SNTG1: variants seen among roughly 807,000 people sequenced by gnomAD.
The protein encoded by SNTG1 is syntrophin gamma 1.
In SNTG1, 39 loss-of-function variants were observed where a neutral mutation model predicts 74.7. That is an observed-to-expected ratio of 0.52 (90% CI 0.40 to 0.68). The LOEUF (loss-of-function observed/expected upper bound fraction) is 0.68, where lower values mean the gene tolerates loss of function less well. SNTG1 is among the 30% of genes least tolerant of loss of function. The pLI, the probability that SNTG1 is intolerant of heterozygous loss-of-function variation, is 0.00. For synonymous variants in SNTG1, 254 were observed against 217.1 expected (o/e 1.17, Z -1.49); for missense variants, 685 against 609.5 (o/e 1.12, Z -1.30).
At chr8:50,012,779 G>A (rs993054060) in intron 1 of SNTG1, among the ~76,000 whole-genome samples, 1 of 152,082 alleles carries the variant, frequency 6.6e-6, no homozygotes, top group African/African-American at 2.4e-5. Flanking sequence ...GAATGGGTGA[G>A]GCAAAGTAAA....
intron 17 of SNTG1, among the ~76,000 whole-genome samples, chr8:50,735,446 GA>G (rs2095525906): frequency 6.6e-6 from 1 of 151,684 alleles, no homozygotes; most frequent in African/African-American, 2.4e-5. Context: ...ATGGAGCTGA[GA>G]AACATAGCAC....
rs199572459 is a variant in SNTG1 at position 50,734,776 on chromosome 8, TATAG to T, written c.1285-17221_1285-17218del. On this transcript the variant is annotated intron_variant, in intron 17 of 18. Coordinates refer to ENST00000642720, the MANE Select transcript of SNTG1 (RefSeq NM_018967.5). Reference sequence around the variant, plus strand: ...AGATATCTATATATATGGACATATATATAGATATCTATATATATGGACATATATA... The same window carrying T: ...AGATATCTATATATATGGACATATATATATCTATATATATGGACATATATA... 2.3e-3 allele frequency among the ~76,000 whole-genome samples: 242 copies of T among 104,342 alleles called. 3 individuals are homozygous for T. Among genetic ancestry groups the T allele is most frequent in the African/African-American group, 0.013 (180 of 14,356 alleles). 68.5% of individuals were successfully genotyped at this position (104,342 alleles called of 152,430 possible).
chr8:50,624,396 G>A (rs2094943635), intron 13 of SNTG1, among the ~76,000 whole-genome samples: 1 of 152,074 alleles, frequency 6.6e-6, no homozygotes, highest in South Asian at 2.1e-4. Flanking sequence ...CTAAAGGAGA[G>A]TTTTATCTGC....
intron 8 of SNTG1, among the ~76,000 whole-genome samples, chr8:50,493,237 A>G (rs2093874204): frequency 6.6e-6 from 1 of 152,188 alleles, no homozygotes; most frequent in Admixed American, 6.5e-5. Context: ...TTCTATGCAT[A>G]TGATCCTTTA....
At chr8:50,786,455 T>G (rs2095675481) in intron 18 of SNTG1, among the ~76,000 whole-genome samples, 1 of 151,950 alleles carries the variant, frequency 6.6e-6, no homozygotes, top group African/African-American at 2.4e-5. Flanking sequence ...ATATGCAGAT[T>G]TAAGAAATCT....
At chr8:50,188,715 G>T (rs1046444268) in intron 2 of SNTG1, among the ~76,000 whole-genome samples, 1 of 152,022 alleles carries the variant, frequency 6.6e-6, no homozygotes, top group Non-Finnish European at 1.5e-5. Context: ...TGTGACTTTT[G>T]GGGGCAAACA....
At chr8:50,221,466 G>A (rs578245504) in intron 2 of SNTG1, among the ~76,000 whole-genome samples, 139 of 149,836 alleles carry the variant, frequency 9.3e-4, no homozygotes, top group Admixed American at 2.3e-3. Context: ...AAATAGAGAT[G>A]ATAATGCAAG....
intron 16 of SNTG1, among the ~76,000 whole-genome samples, chr8:50,706,502 T>TTAAG (rs2095443814): frequency 6.6e-6 from 1 of 152,150 alleles, no homozygotes; most frequent in African/African-American, 2.4e-5. Flanking sequence ...GTATTTTATT[T>TTAAG]TAAGTCTCCT....
At chr8:50,712,527 G>A (rs1322190865) in intron 17 of SNTG1, among the ~76,000 whole-genome samples, 3 of 152,014 alleles carry the variant, frequency 2.0e-5, no homozygotes, top group African/African-American at 4.8e-5. Context: ...TTGGATACAT[G>A]TGCAAAACAT....
intron 2 of SNTG1, among the ~76,000 whole-genome samples, chr8:50,246,363 A>T (rs2086398444): frequency 6.6e-6 from 1 of 152,106 alleles, no homozygotes; most frequent in African/African-American, 2.4e-5. Flanking sequence ...TCTCAACATA[A>T]GTTCCATCAA....
intron 1 of SNTG1, among the ~76,000 whole-genome samples, chr8:50,078,917 C>G (rs1025677980): frequency 6.6e-6 from 1 of 152,150 alleles, no homozygotes; most frequent in Non-Finnish European, 1.5e-5. Flanking sequence ...GCATAGTATT[C>G]CATGGTGTAT....
intron 2 of SNTG1, among the ~76,000 whole-genome samples, chr8:50,354,340 CTA>C (rs2091755719): frequency 6.6e-6 from 1 of 152,100 alleles, no homozygotes; most frequent in Admixed American, 6.5e-5. Flanking sequence ...AAATTAGAGT[CTA>C]TCAAAAATCT....
chr8:50,285,440 G>A (rs1332491835), intron 2 of SNTG1, among the ~76,000 whole-genome samples: 3 of 151,996 alleles, frequency 2.0e-5, no homozygotes, highest in Non-Finnish European at 4.4e-5. Context: ...AGTGAGACAC[G>A]GTCTTAAGAA....
At chr8:50,135,941 C>G (rs1397475427) in intron 1 of SNTG1, among the ~76,000 whole-genome samples, 1 of 152,214 alleles carries the variant, frequency 6.6e-6, no homozygotes, top group Admixed American at 6.5e-5. Flanking sequence ...GTCTGTTGTT[C>G]TCTTCTTTGT....
intron 15 of SNTG1, among the ~76,000 whole-genome samples, chr8:50,663,558 T>C (rs2095235827): frequency 6.6e-6 from 1 of 152,088 alleles, no homozygotes; most frequent in Non-Finnish European, 1.5e-5. Context: ...CCGCTCTGGT[T>C]TGACTCGTTT....
chr8:50,787,732 C>T (rs7821741), intron 18 of SNTG1, among the ~76,000 whole-genome samples: 4,197 of 151,864 alleles, frequency 0.028, 207 homozygotes, highest in African/African-American at 0.096. Flanking sequence ...ATTAAGTGAA[C>T]GTAGATAATC....
At chr8:50,583,221 G>A (rs1388844040) in intron 12 of SNTG1, among the ~76,000 whole-genome samples, 1 of 151,678 alleles carries the variant, frequency 6.6e-6, no homozygotes, top group Non-Finnish European at 1.5e-5. Context: ...TGGCCAACAT[G>A]GTGAAACCCT....
chr8:50,644,161 G>A (rs1372821756), intron 13 of SNTG1: 1 of 152,198 alleles, frequency 6.6e-6, no homozygotes, highest in Non-Finnish European at 1.5e-5. Context: ...GAAATCTCCT[G>A]GAAACATCAA....
chr8:50,502,942 T>A, intron 9 of SNTG1, 62 bp downstream of exon 9: 5 of 1,296,788 alleles, frequency 3.9e-6, no homozygotes, highest in Non-Finnish European at 5.4e-6. Context: ...AATTATTATT[T>A]TGACAATAAT....
Sources: allele counts gnomAD v4.1 joint callset (sites outside exome capture counted in the v4.1 genomes callset), GRCh38; gene constraint gnomAD v4.1.1; transcripts MANE v1.5; gene names NCBI Gene and HGNC (gene_info 2026-07-23, HGNC 2026-07-21).